Variants in NEBL observed in about 807,000 individuals in gnomAD.
NEBL encodes the protein nebulette, also known as LIM and SH3 protein 2.
NEBL carries 122 observed loss-of-function variants against 140.2 expected under a neutral mutation model. The observed-to-expected ratio is 0.87, with a 90% CI of 0.75 to 1.01. NEBL has a LOEUF of 1.01. Ranked by LOEUF, NEBL falls within the 50% of genes least tolerant of loss-of-function variation. The probability of loss-of-function intolerance (pLI) is 0.00; values close to 1 mark genes in which losing one functional copy is unlikely to be tolerated. For synonymous variants in NEBL, 436 were observed against 398.9 expected (o/e 1.09, Z -1.11); for missense variants, 1,365 against 1,231.3 (o/e 1.11, Z -1.62).
intron 1 of NEBL, among the ~76,000 whole-genome samples, chr10:21,269,882 A>G (rs1368286371): frequency 1.3e-5 from 2 of 152,222 alleles, no homozygotes; most frequent in Non-Finnish European, 2.9e-5. Flanking sequence ...GACTTAGAGC[A>G]AATACAAAAA....
At chr10:20,847,568 G>T (rs888186777) in intron 11 of NEBL, among the ~76,000 whole-genome samples, 1 of 152,038 alleles carries the variant, frequency 6.6e-6, no homozygotes, top group African/African-American at 2.4e-5. Context: ...CAACCAGAAT[G>T]ATAAAAGGTT....
At chr10:21,243,595 T>C (rs904561890) in intron 3 of NEBL, among the ~76,000 whole-genome samples, 2 of 152,122 alleles carry the variant, frequency 1.3e-5, no homozygotes, top group Non-Finnish European at 2.9e-5. Flanking sequence ...ACTAATTATG[T>C]GTATTGGCTC....
chr10:21,006,096 T>TAGA (rs1271426448), intron 3 of NEBL, among the ~76,000 whole-genome samples: 1 of 152,186 alleles, frequency 6.6e-6, no homozygotes, highest in Non-Finnish European at 1.5e-5. Flanking sequence ...CTCCAAGGCA[T>TAGA]GTGGCTATAG....
chr10:20,904,048 AACT>A (rs1187664384), intron 4 of NEBL, among the ~76,000 whole-genome samples: 1 of 33,730 alleles, frequency 3.0e-5, no homozygotes, highest in East Asian at 5.0e-4. Flanking sequence ...GCAAGAGAAC[AACT>A]AGTAATAAAA....
chr10:20,910,194 T>C, intron 4 of NEBL, among the ~76,000 whole-genome samples: 1 of 152,180 alleles, frequency 6.6e-6, no homozygotes, highest in East Asian at 1.9e-4. Context: ...AAATTATCTA[T>C]ATAGTTAAGC....
intron 3 of NEBL, among the ~76,000 whole-genome samples, chr10:21,193,666 G>GATA (rs1554832381): frequency 6.6e-6 from 1 of 152,136 alleles, no homozygotes; most frequent in Non-Finnish European, 1.5e-5. Context: ...AGTAATAATT[G>GATA]ATAATAATTA....
At chr10:21,027,904 A>T (rs533155206) in intron 2 of NEBL, among the ~76,000 whole-genome samples, 1 of 152,210 alleles carries the variant, frequency 6.6e-6, no homozygotes, top group African/African-American at 2.4e-5. Flanking sequence ...TGGTTGTTTT[A>T]TGTCATTCAA....
chr10:21,106,909 G>T (rs182543262), intron 2 of NEBL, among the ~76,000 whole-genome samples: 1 of 152,150 alleles, frequency 6.6e-6, no homozygotes, highest in Non-Finnish European at 1.5e-5. Context: ...CACATCCCTT[G>T]TAAGTTAAAT....
intron 3 of NEBL, among the ~76,000 whole-genome samples, chr10:21,010,866 T>C (rs1328789250): frequency 2.6e-5 from 4 of 152,220 alleles, no homozygotes; most frequent in Admixed American, 2.6e-4. Context: ...TGCCATTCTT[T>C]AAACATCTTC....
At chr10:20,909,566 T>G (rs1848243618) in intron 4 of NEBL, among the ~76,000 whole-genome samples, 1 of 152,192 alleles carries the variant, frequency 6.6e-6, no homozygotes, top group Non-Finnish European at 1.5e-5. Flanking sequence ...GGATTAAAAC[T>G]TAAAATTTTC....
chr10:21,030,230 C>A (rs970850131), intron 2 of NEBL: 1 of 534,498 alleles, frequency 1.9e-6, no homozygotes, highest in South Asian at 1.8e-5. Flanking sequence ...CCCAAGCTGG[C>A]GAAGTGAAGA....
upstream of NEBL, among the ~76,000 whole-genome samples, chr10:20,900,574 A>G (rs553974475): frequency 2.0e-5 from 3 of 151,806 alleles, no homozygotes; most frequent in East Asian, 5.8e-4. Flanking sequence ...CTGTAATCCT[A>G]GCACTTCGGG....
Position 20,880,823 on chromosome 10 carries a change from C to T in NEBL, c.451G>A (p.Ala151Thr). The change falls in exon 5 of 28, where the codon GCC becomes ACC. Residue 151 changes from alanine (A) to threonine (T), a missense_variant. By Grantham distance (58) the Ala-to-Thr change is moderately conservative. Transcript: ENST00000377122. ...CTCTGGTGTTTATTGACCTCCATGG[C>T]ATGTTTAACCTCAGGGGGCTCCTTC... ...HMKEPPEVKH[A>T]MEVNKHQSNI... 1 of 1,613,906 alleles carries T rather than the reference C, an allele frequency of 6.2e-7. No homozygotes were observed. The highest frequency in any genetic ancestry group is 8.5e-7 in the Non-Finnish European group (1 of 1,179,814).
chr10:21,081,061 G>C (rs917013920), intron 2 of NEBL, among the ~76,000 whole-genome samples: 16 of 152,086 alleles, frequency 1.1e-4, no homozygotes, highest in East Asian at 3.9e-4. Context: ...CACCATGTTG[G>C]CCAGGCTGGT....
chr10:21,242,892 G>T (rs1842459274), intron 3 of NEBL, among the ~76,000 whole-genome samples: 1 of 152,130 alleles, frequency 6.6e-6, no homozygotes, highest in African/African-American at 2.4e-5. Context: ...ATGTTTGGGG[G>T]TGAGAAGAAC....
At chr10:20,936,802 C>A (rs1214163658) in intron 4 of NEBL, among the ~76,000 whole-genome samples, 1 of 152,204 alleles carries the variant, frequency 6.6e-6, no homozygotes, top group Non-Finnish European at 1.5e-5. Flanking sequence ...GGTAATCCAA[C>A]ACTGTTCAAC....
chr10:21,272,282 C>T (rs76917636), intron 1 of NEBL, among the ~76,000 whole-genome samples: 3,720 of 151,470 alleles, frequency 0.025, 124 homozygotes, highest in African/African-American at 0.076. Flanking sequence ...AAAATTTTTA[C>T]GTGTCAAAAA....
intron 9 of NEBL, among the ~76,000 whole-genome samples, chr10:20,857,141 A>C (rs940836298): frequency 2.6e-5 from 4 of 152,192 alleles, no homozygotes; most frequent in Non-Finnish European, 5.9e-5. Context: ...ATAAACTTTT[A>C]AAAACTCTGT....
intron 4 of NEBL, among the ~76,000 whole-genome samples, chr10:20,927,917 C>A (rs1248395079): frequency 2.0e-5 from 3 of 152,150 alleles, no homozygotes; most frequent in Non-Finnish European, 4.4e-5. Flanking sequence ...GATAGTGTCA[C>A]CCAACAGAGA....
Sources: gnomAD v4.1 joint callset for allele counts (sites outside exome capture counted in the v4.1 genomes callset) on GRCh38, gnomAD v4.1.1 for gene constraint, MANE v1.5 for transcripts, NCBI Gene and HGNC (gene_info 2026-07-23, HGNC 2026-07-21) for gene names.